KIF1A: variants seen among roughly 807,000 people sequenced by gnomAD.
KIF1A encodes kinesin-like protein KIF1A.
In KIF1A, 46 loss-of-function variants were observed where a neutral mutation model predicts 227.3. That is an observed-to-expected ratio of 0.20 (90% confidence interval 0.16 to 0.26). The LOEUF is 0.26. KIF1A is among the 10% of genes least tolerant of loss of function. KIF1A has a pLI of 1.00. For missense variants in KIF1A, 1,683 were observed against 2,485.9 expected, an observed-to-expected ratio of 0.68 and a Z score of 6.87; for synonymous variants, 1,022 against 1,012.8, an observed-to-expected ratio of 1.01 and a Z score of -0.17.
At chr2:240,723,776 G>A (rs532434672) in intron 41 of KIF1A, among the ~76,000 whole-genome samples, 199 bp downstream of exon 41, 20 of 152,296 alleles carry the variant, frequency 1.3e-4, no homozygotes, top group African/African-American at 4.8e-4. Flanking sequence ...CTGTGCCCTG[G>A]GAACCCAAGG....
At chr2:240,730,252 C>T (rs769320957) in intron 38 of KIF1A, among the ~76,000 whole-genome samples, 9 of 152,176 alleles carry the variant, frequency 5.9e-5, no homozygotes, top group Admixed American at 1.3e-4. Flanking sequence ...ACCCACATTG[C>T]CAGTTGGGGC....
intron 10 of KIF1A, among the ~76,000 whole-genome samples, chr2:240,779,952 A>G (rs2053407647): frequency 6.6e-6 from 1 of 152,022 alleles, no homozygotes; most frequent in Non-Finnish European, 1.5e-5. Flanking sequence ...TCTCCACAGC[A>G]TTCCACACAG....
intron 27 of KIF1A, among the ~76,000 whole-genome samples, chr2:240,751,394 C>G (rs958288775): frequency 6.6e-6 from 1 of 152,266 alleles, no homozygotes; most frequent in Admixed American, 6.5e-5. Flanking sequence ...CTGGGGCCCT[C>G]GATTCCAGAG....
chr2:240,746,215 G>A (rs2048580157), intron 29 of KIF1A, 38 bp from the exon 30 acceptor site: 12 of 1,547,300 alleles, frequency 7.8e-6, no homozygotes, highest in Non-Finnish European at 8.7e-6. Flanking sequence ...AGAGCCAGGA[G>A]CCAGCCGAGG....
At position 240,726,711 on chromosome 2, in the gene KIF1A, G is replaced by A; in HGVS notation, c.4122+115C>T. On this transcript the variant is annotated intron_variant, in intron 39 of 48. Transcript: ENST00000498729. The surrounding 1 kb of genome is among the most constrained non-coding windows in gnomAD (Gnocchi z 5.2). Reference sequence around the variant, plus strand: ...AAAAGGCACACAAATTTAACCCAGGGACTTGAGAACTAGAGAAGTCGTCTG... The same window carrying A: ...AAAAGGCACACAAATTTAACCCAGGAACTTGAGAACTAGAGAAGTCGTCTG... 2.0e-6 allele frequency: 1 copy of A among 505,008 alleles called. No homozygotes were observed. The highest frequency in any genetic ancestry group is 3.6e-6 in the Non-Finnish European group (1 of 279,154). 31.3% of individuals were successfully genotyped at this position (505,008 alleles called of 1,614,324 possible). A position where few individuals can be genotyped will look rare whatever the true frequency, so the allele number is the denominator to read the frequency against.
intron 1 of KIF1A, among the ~76,000 whole-genome samples, chr2:240,814,646 G>T (rs746761980): frequency 8.5e-5 from 13 of 152,212 alleles, no homozygotes; most frequent in Non-Finnish European, 1.8e-4. Context: ...AAATAAAAAG[G>T]CTGGGCGCGG....
Position 240,757,715 on chromosome 2 carries a change from G to A in KIF1A, c.2583-121C>T, listed in dbSNP as rs1559503922. Reference sequence around the variant, plus strand: ...ACCAAAACCAAACACACAGACCATCGAGAATGCTGCTTTAAAAGATGAGAG... The same window carrying A: ...ACCAAAACCAAACACACAGACCATCAAGAATGCTGCTTTAAAAGATGAGAG... On this transcript the variant is annotated intron_variant, in intron 26 of 48. Transcript: ENST00000498729. The surrounding 1 kb of genome is among the most constrained non-coding windows in gnomAD (Gnocchi z 6.2). The A allele has an allele frequency of 6.5e-6, 6 of 916,908 alleles. No homozygotes were observed. The highest frequency in any genetic ancestry group is 9.8e-6 in the Non-Finnish European group (6 of 613,654). The allele number at this position is 916,908 out of a possible 1,614,324, so 56.8% of individuals were successfully genotyped here.
In KIF1A at chr2:240,717,259, C is replaced by A. The variant is rs548422454; in HGVS notation, c.*105G>T. On this transcript the variant is annotated 3_prime_UTR_variant, in exon 49 of 49. Coordinates refer to ENST00000498729, the MANE Select transcript of KIF1A (RefSeq NM_001244008.2). ...GCGTCCCCTGGGGGGTCGACCCGGT[C>A]GTGGGCTGTCTGGCAGGAGAGGGGC... is the stretch of plus-strand genomic sequence containing the variant. 2.6e-6 allele frequency: 3 copies of A among 1,152,790 alleles called. No homozygotes were observed. Among genetic ancestry groups the A allele is most frequent in the Admixed American group, 3.5e-5 (2 of 57,002 alleles). The allele number at this position is 1,152,790 out of a possible 1,614,324, so 71.4% of individuals were successfully genotyped here.
intron 20 of KIF1A, among the ~76,000 whole-genome samples, chr2:240,764,527 G>A (rs752320393): frequency 2.6e-5 from 4 of 152,118 alleles, no homozygotes; most frequent in South Asian, 2.1e-4. Context: ...AGACTCCTCC[G>A]AAAGCCTTCG....
intron 38 of KIF1A, among the ~76,000 whole-genome samples, chr2:240,734,406 A>G (rs957155766): frequency 6.6e-6 from 1 of 152,154 alleles, no homozygotes; most frequent in Non-Finnish European, 1.5e-5. Context: ...AGGCTGGGGC[A>G]GGAGGAGCAG....
intron 38 of KIF1A, among the ~76,000 whole-genome samples, chr2:240,728,591 C>CCCCTGG (rs922538484): frequency 1.7e-4 from 26 of 152,238 alleles, no homozygotes; most frequent in Non-Finnish European, 2.9e-4. Flanking sequence ...CCAGGTGGAG[C>CCCCTGG]CCCTGGCCCT....
At chr2:240,781,793 C>T (rs2054062627) in intron 10 of KIF1A, 2 of 985,174 alleles carry the variant, frequency 2.0e-6, no homozygotes, top group Non-Finnish European at 2.4e-6. Context: ...TCGCCTGGCT[C>T]CCACTCGGGT....
intron 10 of KIF1A, 144 bp downstream of exon 10, chr2:240,782,446 C>G (rs530984843): frequency 9.7e-7 from 1 of 1,029,396 alleles, no homozygotes; most frequent in South Asian, 1.6e-5. Flanking sequence ...CACCCGCTTT[C>G]TTCCTTCCCG....
chr2:240,721,071 G>C (rs1159814795), intron 44 of KIF1A, 33 bp from the exon 45 acceptor site: 1 of 1,609,526 alleles, frequency 6.2e-7, no homozygotes, highest in Non-Finnish European at 8.5e-7. Context: ...AGGGGACACA[G>C]GGAAGGGGGG....
chr2:240,774,370 G>A lies in KIF1A; in HGVS notation c.959-109C>T, dbSNP rs1326632219. The A allele has an allele frequency of 8.9e-6, 5 of 561,496 alleles. No homozygotes were observed. In the African/African-American group the frequency reaches 9.7e-5, roughly 11 times the overall value. 34.8% of individuals were successfully genotyped at this position (561,496 alleles called of 1,614,324 possible). On this transcript the variant is annotated intron_variant, in intron 11 of 48. Transcript: ENST00000498729. Reference sequence around the variant, plus strand: ...AGATGGGGAGGCTGAGGCCCAGAGAGGTAAACTGAGTCACAGGCTTACCCC... The same window carrying A: ...AGATGGGGAGGCTGAGGCCCAGAGAAGTAAACTGAGTCACAGGCTTACCCC...
rs745898229 is a variant in KIF1A at position 240,718,061 on chromosome 2, G to A, written c.5322C>T (p.Ala1774=). 2.3e-5 allele frequency: 37 copies of A among 1,607,956 alleles called. No individual in the cohort carries two copies. The highest frequency in any genetic ancestry group is 5.3e-5 in the African/African-American group (4 of 74,856). The change falls in exon 48 of 49, where the codon GCC becomes GCT. Residue 1774 remains alanine, a synonymous_variant. Coordinates refer to ENST00000498729, the MANE Select transcript of KIF1A (RefSeq NM_001244008.2). ...GCAGGCGGCCCTACCGTATGGTCCC[G>A]GCCAGGAGGGGGTTGAAGGCGTACA... ...DWLYAFNPLL[A]GTIRSKLSRR...
At position 240,726,994 on chromosome 2, in the gene KIF1A, C is replaced by T. The variant is rs1191484197; in HGVS notation, c.4008-54G>A. 5.5e-6 allele frequency: 6 copies of T among 1,092,488 alleles called. No individual in the cohort carries two copies. Among genetic ancestry groups the T allele is most frequent in the South Asian group, 1.4e-5 (1 of 71,094 alleles). The allele number at this position is 1,092,488 out of a possible 1,614,324, so 67.7% of individuals were successfully genotyped here. On this transcript the variant is annotated intron_variant, in intron 38 of 48. Coordinates refer to ENST00000498729, the MANE Select transcript of KIF1A (RefSeq NM_001244008.2). This position sits in a 1 kb window ranked among gnomAD's most constrained non-coding sequence, Gnocchi z 5.2. ...TTGATGGCGTGGGGGCTGCTTTCAG[C>T]CAGGCCGGGGACATGCAGACAGACA...
rs1003986227 is a variant in KIF1A, at chr2:240,717,522, G to A, written c.5334-116C>T. The A allele has an allele frequency of 1.3e-5, 12 of 894,658 alleles. No homozygotes were observed. The East Asian group carries it at 1.5e-4, about 11-fold the overall frequency. The allele number at this position is 894,658 out of a possible 1,614,324, so 55.4% of individuals were successfully genotyped here. A position where few individuals can be genotyped will look rare whatever the true frequency, so the allele number is the denominator to read the frequency against. On this transcript the variant is annotated intron_variant, in intron 48 of 48. Coordinates refer to ENST00000498729, the MANE Select transcript of KIF1A (RefSeq NM_001244008.2). ...GGGCAGCCACAGACCCCATGTCCCC[G>A]CTGGTTCCCTCACCACCTGGGGAAG...
At chr2:240,798,972 A>G (rs751279129) in intron 1 of KIF1A, among the ~76,000 whole-genome samples, 4 of 145,614 alleles carry the variant, frequency 2.7e-5, no homozygotes, top group Non-Finnish European at 5.9e-5. Context: ...ACCCTTCCAC[A>G]CTGACATTCC....
Sources: gnomAD v4.1 joint callset for allele counts (sites outside exome capture counted in the v4.1 genomes callset) on GRCh38, gnomAD v4.1.1 for gene constraint, Gnocchi (gnomAD v3.1) non-coding constraint, MANE v1.5 for transcripts, NCBI Gene and HGNC (gene_info 2026-07-23, HGNC 2026-07-21) for gene names.